Variants in WASHC4 observed in about 807,000 individuals in gnomAD.
WASHC4 encodes the protein WASH complex subunit 7.
Under a neutral mutation model 166.6 loss-of-function variants are expected in WASHC4, and 86 were observed. The ratio of observed to expected loss-of-function variants is 0.52; its 90% confidence interval spans 0.43 to 0.62. WASHC4 has a LOEUF of 0.62. Ranked by LOEUF, WASHC4 falls within the 20% of genes least tolerant of loss-of-function variation. The pLI, the probability that WASHC4 is intolerant of heterozygous loss-of-function variation, is 0.00. For missense variants in WASHC4, 1,262 were observed against 1,382.4 expected, an observed-to-expected ratio of 0.91 and a Z score of 1.38; for synonymous variants, 446 against 451.6, an observed-to-expected ratio of 0.99 and a Z score of 0.16.
chr12:105,112,341 A>G (rs1012709192), intron 2 of WASHC4, among the ~76,000 whole-genome samples: 3 of 152,172 alleles, frequency 2.0e-5, no homozygotes, highest in Non-Finnish European at 2.9e-5. Context: ...TTTGGCTGCT[A>G]TGAGCATTTG....
At chr12:105,162,050 T>C (rs1050250855) in intron 29 of WASHC4, among the ~76,000 whole-genome samples, 13 of 152,256 alleles carry the variant, frequency 8.5e-5, no homozygotes, top group African/African-American at 3.1e-4. Context: ...TACTGGATGG[T>C]GCAGATACAC....
intron 16 of WASHC4, among the ~76,000 whole-genome samples, 167 bp downstream of exon 16, chr12:105,140,568 G>A (rs1882746636): frequency 6.6e-6 from 1 of 151,884 alleles, no homozygotes. Context: ...TCAAGTTATT[G>A]GCATTATCTT....
intron 13 of WASHC4, among the ~76,000 whole-genome samples, chr12:105,127,503 T>G (rs1024943973): frequency 1.3e-5 from 2 of 152,164 alleles, no homozygotes; most frequent in African/African-American, 4.8e-5. Flanking sequence ...CAGATTATAC[T>G]TTATGGATAC....
In WASHC4 at chr12:105,107,811, A is replaced by G. The variant is rs929742452; in HGVS notation, c.11A>G (p.Glu4Gly). The change falls in exon 1 of 33, where the codon GAG (glutamate) becomes GGG (glycine). Residue 4 changes from glutamate to glycine, a missense_variant. Coordinates refer to ENST00000332180, the MANE Select transcript of WASHC4 (RefSeq NM_015275.3). Reference sequence around the variant, plus strand: ...GGAGGCGCCGGGGTGATGGCGGTGGAGACTCTGTCCCCGGACTGGGAGTTT... The same window carrying G: ...GGAGGCGCCGGGGTGATGGCGGTGGGGACTCTGTCCCCGGACTGGGAGTTT... MAV[E>G]TLSPDWEFDR... 6.4e-7 allele frequency: 1 copy of G among 1,550,890 alleles called. No homozygotes were observed. The highest frequency in any genetic ancestry group is 1.2e-5 in the South Asian group (1 of 84,032).
intron 29 of WASHC4, among the ~76,000 whole-genome samples, chr12:105,162,290 A>C (rs1884544468): frequency 6.6e-6 from 1 of 152,208 alleles, no homozygotes; most frequent in African/African-American, 2.4e-5. Context: ...TTTCGAATGA[A>C]TTAGGTAGGT....
chr12:105,113,202 T>C (rs1879851784), intron 2 of WASHC4, among the ~76,000 whole-genome samples: 1 of 152,110 alleles, frequency 6.6e-6, no homozygotes, highest in African/African-American at 2.4e-5. Flanking sequence ...CATATATCTG[T>C]CACTTGGCAT....
At position 105,127,288 on chromosome 12, in the gene WASHC4, A is replaced by G. The variant is rs370386463; in HGVS notation, c.1198A>G (p.Lys400Glu). ...ACAACAGAAAGCTCAATCACTTACC[A>G]AGTAGGTTTTATAAACAAGTATAAT... is the stretch of plus-strand genomic sequence containing the variant. ...FLQQKAQSLT[K>E]DVQSYYVFVS... The change falls in exon 13 of 33, where the codon AAA (lysine) becomes GAA (glutamate). Residue 400 changes from lysine (K) to glutamate (E), a missense_variant and splice_region_variant. Transcript: ENST00000332180. 6.3e-7 allele frequency: 1 copy of G among 1,597,980 alleles called. No homozygotes were observed. The highest frequency in any genetic ancestry group is 8.6e-7 in the Non-Finnish European group (1 of 1,165,568).
intron 14 of WASHC4, among the ~76,000 whole-genome samples, chr12:105,137,636 T>C (rs549911565): frequency 6.6e-6 from 1 of 152,310 alleles, no homozygotes; most frequent in African/African-American, 2.4e-5. Flanking sequence ...TTATACACTA[T>C]TATTTTGACA....
intron 10 of WASHC4, among the ~76,000 whole-genome samples, chr12:105,125,475 G>C (rs1474055279): frequency 1.3e-5 from 2 of 152,144 alleles, no homozygotes; most frequent in African/African-American, 4.8e-5. Flanking sequence ...GTAGACAAAA[G>C]TTATATGAAG....
rs77463589 is a variant in WASHC4, at chr12:105,121,581, C to T, written c.665+377C>T. Among the ~76,000 whole-genome samples the T allele has an allele frequency of 4.6e-5, 7 of 152,248 alleles. No individual in the cohort carries two copies. In the East Asian group the frequency reaches 1.4e-3, roughly 29 times the overall value. On this transcript the variant is annotated intron_variant, in intron 9 of 32. Transcript: ENST00000332180. ...GGAGTGCAGTGGCGTGATCTCGGCT[C>T]ACTGCAACTTCTGCCTCCTGGGTTC...
intron 27 of WASHC4, 56 bp from the exon 28 acceptor site, chr12:105,157,180 G>T: frequency 1.1e-6 from 1 of 877,970 alleles, no homozygotes. Flanking sequence ...TTATATCTGT[G>T]TCAATTGCAC....
intron 26 of WASHC4, among the ~76,000 whole-genome samples, chr12:105,155,766 G>T (rs1592915026): frequency 1.3e-5 from 2 of 152,230 alleles, no homozygotes; most frequent in East Asian, 3.9e-4. Flanking sequence ...CGCTTGAACT[G>T]CAGAGGCGGA....
chr12:105,118,140 A>G (rs1592847869), intron 6 of WASHC4, among the ~76,000 whole-genome samples: 1 of 152,246 alleles, frequency 6.6e-6, no homozygotes, highest in Non-Finnish European at 1.5e-5. Context: ...GGCAGTGGAT[A>G]TTCAAAGAAG....
Position 105,115,167 on chromosome 12 carries a change from T to G in WASHC4, c.322-17T>G. 7.3e-7 allele frequency: 1 copy of G among 1,375,944 alleles called. No homozygotes were observed. The highest frequency in any genetic ancestry group is 1.0e-6 in the Non-Finnish European group (1 of 965,482). 85.2% of individuals were successfully genotyped at this position (1,375,944 alleles called of 1,614,324 possible). ...AAACAACCTTTAAAATTATTTTAAT[T>G]TTTTTCTTAAAAACAGGCTGAAACT... On this transcript the variant is annotated splice_polypyrimidine_tract_variant and intron_variant, in intron 4 of 32. Coordinates refer to ENST00000332180, the MANE Select transcript of WASHC4 (RefSeq NM_015275.3).
chr12:105,120,677 G>T, intron 8 of WASHC4, 80 bp downstream of exon 8: 1 of 970,366 alleles, frequency 1.0e-6, no homozygotes, highest in South Asian at 1.3e-5. Context: ...TGGAGAGTAT[G>T]ACAGTCATAG....
chr12:105,145,199 C>T (rs1475193450), intron 22 of WASHC4, among the ~76,000 whole-genome samples: 3 of 151,566 alleles, frequency 2.0e-5, no homozygotes, highest in African/African-American at 7.3e-5. Flanking sequence ...TTCAAAGTCA[C>T]ATTTAAGGAT....
At chr12:105,160,350 A>T (rs974952846) in intron 29 of WASHC4, among the ~76,000 whole-genome samples, 1 of 150,580 alleles carries the variant, frequency 6.6e-6, no homozygotes, top group Non-Finnish European at 1.5e-5. Flanking sequence ...TTATTGTTAA[A>T]TTTTTTTTTT....
At chr12:105,148,999 T>C (rs1028302991) in intron 24 of WASHC4, 31 of 982,224 alleles carry the variant, frequency 3.2e-5, no homozygotes, top group Admixed American at 6.1e-5. Context: ...TTCTGAGAAA[T>C]TATTACAGTA....
intron 7 of WASHC4, 39 bp downstream of exon 7, chr12:105,118,567 G>C: frequency 8.7e-7 from 1 of 1,152,264 alleles, no homozygotes. Flanking sequence ...TTATAATAGA[G>C]ATGCAGAAAA....
Sources: allele counts gnomAD v4.1 joint callset (sites outside exome capture counted in the v4.1 genomes callset), GRCh38; gene constraint gnomAD v4.1.1; transcripts MANE v1.5; gene names NCBI Gene and HGNC (gene_info 2026-07-23, HGNC 2026-07-21).